The following WWOX variants were observed in gnomAD, a reference collection of about 807,000 sequenced individuals.
WWOX encodes the protein WW domain containing oxidoreductase, also known as WW domain-containing oxidoreductase.
A neutral mutation model predicts 46.2 loss-of-function variants in WWOX; 69 were observed. The observed-to-expected ratio is 1.49, with a 90% CI of 1.23 to 1.82. The LOEUF is 1.82. Among genes scored for constraint, WWOX ranks in the 40% most tolerant of loss-of-function variants. WWOX has a pLI of 0.00. For synonymous variants in WWOX, 359 were observed against 202.6 expected (o/e 1.77, Z -6.56); for missense variants, 919 against 542.6 (o/e 1.69, Z -6.89).
At chr16:78,799,846 A>T (rs936104252) in intron 8 of WWOX, among the ~76,000 whole-genome samples, 9 of 152,210 alleles carry the variant, frequency 5.9e-5, no homozygotes, top group African/African-American at 2.2e-4. Flanking sequence ...TACAAATTTT[A>T]AATGCATATT....
chr16:78,855,514 G>A (rs565057288), intron 8 of WWOX, among the ~76,000 whole-genome samples: 1 of 152,240 alleles, frequency 6.6e-6, no homozygotes, highest in South Asian at 2.1e-4. Flanking sequence ...AATGAAGATC[G>A]ATTCCAATTT....
At chr16:78,851,756 G>A (rs1261227010) in intron 8 of WWOX, among the ~76,000 whole-genome samples, 2 of 152,174 alleles carry the variant, frequency 1.3e-5, no homozygotes, top group South Asian at 2.1e-4. Context: ...TTTGTGCCCA[G>A]TTTATAAACT....
intron 8 of WWOX, among the ~76,000 whole-genome samples, chr16:78,761,124 T>A (rs913010116): frequency 5.3e-5 from 8 of 152,178 alleles, no homozygotes; most frequent in African/African-American, 1.9e-4. Context: ...CAAACCATAT[T>A]ACAGGCTAAT....
chr16:78,237,375 C>A (rs150685828), intron 5 of WWOX: 86 of 152,210 alleles, frequency 5.7e-4, no homozygotes, highest in African/African-American at 2.0e-3. Context: ...TGGCTCATAT[C>A]GTATTTGTTA....
chr16:78,251,437 C>T (rs1047862548), intron 5 of WWOX, among the ~76,000 whole-genome samples: 85 of 152,144 alleles, frequency 5.6e-4, no homozygotes, highest in African/African-American at 1.8e-3. Context: ...GTCAACTGCT[C>T]GTTACACAGC....
chr16:78,239,818 A>G (rs541190534), intron 5 of WWOX, among the ~76,000 whole-genome samples: 4 of 152,230 alleles, frequency 2.6e-5, no homozygotes, highest in African/African-American at 9.6e-5. Flanking sequence ...TATAGATGTG[A>G]GCCACCACAC....
chr16:78,955,071 T>A (rs1037678962), intron 8 of WWOX, among the ~76,000 whole-genome samples: 2 of 152,194 alleles, frequency 1.3e-5, no homozygotes, highest in African/African-American at 4.8e-5. Context: ...GAATGTATTC[T>A]TTCCTGATCA....
chr16:78,832,276 G>A (rs55994905), intron 8 of WWOX, among the ~76,000 whole-genome samples: 34 of 152,142 alleles, frequency 2.2e-4, no homozygotes, highest in African/African-American at 7.7e-4. Context: ...ACAGCTTCAG[G>A]AGCAGCCTCA....
At chr16:78,114,841 C>A in intron 3 of WWOX, 135 bp from the exon 4 acceptor site, 1 of 1,080,700 alleles carries the variant, frequency 9.3e-7, no homozygotes, top group Non-Finnish European at 1.3e-6. Context: ...ATTCAGTGGG[C>A]CCCAGTTCTT....
At chr16:78,289,649 G>A (rs530192753) in intron 5 of WWOX, among the ~76,000 whole-genome samples, 6 of 152,238 alleles carry the variant, frequency 3.9e-5, no homozygotes, top group South Asian at 4.1e-4. Context: ...AAGAATAAGA[G>A]ACCTAAGTTT....
intron 8 of WWOX, among the ~76,000 whole-genome samples, chr16:78,740,843 T>G (rs889579450): frequency 6.6e-6 from 1 of 152,062 alleles, no homozygotes; most frequent in Non-Finnish European, 1.5e-5. Flanking sequence ...CTCTTATAAC[T>G]CCTATGATAA....
intron 8 of WWOX, among the ~76,000 whole-genome samples, chr16:78,523,590 G>T (rs1184546448): frequency 6.6e-6 from 1 of 152,222 alleles, no homozygotes; most frequent in Non-Finnish European, 1.5e-5. Flanking sequence ...GGTGGGGGAA[G>T]AGTTATTCTT....
chr16:78,538,502 TTGTC>T (rs1399001470), intron 8 of WWOX, among the ~76,000 whole-genome samples: 1 of 152,160 alleles, frequency 6.6e-6, no homozygotes, highest in Admixed American at 6.6e-5. Context: ...TTCCGTGCCT[TTGTC>T]TGTAGCCTGC....
At chr16:78,786,487 T>G (rs2050459498) in intron 8 of WWOX, among the ~76,000 whole-genome samples, 1 of 152,236 alleles carries the variant, frequency 6.6e-6, no homozygotes, top group Admixed American at 6.5e-5. Context: ...GAGTACTTAG[T>G]ACTTTTTAGT....
chr16:78,692,249 C>T (rs75190496), intron 8 of WWOX, among the ~76,000 whole-genome samples: 1,947 of 152,296 alleles, frequency 0.013, 19 homozygotes, highest in South Asian at 0.036. Context: ...GTCCATTTCT[C>T]TCAATCTAAT....
At chr16:79,012,957 C>T (rs1011347671) in intron 8 of WWOX, among the ~76,000 whole-genome samples, 2 of 152,110 alleles carry the variant, frequency 1.3e-5, no homozygotes, top group Admixed American at 1.3e-4. Context: ...TTTGGGAGGC[C>T]GAGGCGGGTG....
intron 8 of WWOX, among the ~76,000 whole-genome samples, chr16:78,931,937 C>T (rs1381455741): frequency 2.0e-5 from 3 of 152,196 alleles, no homozygotes; most frequent in African/African-American, 7.2e-5. Flanking sequence ...CCCATGAGAT[C>T]TGATGGTTTT....
At chr16:79,207,386 G>A (rs1025306670) in intron 8 of WWOX, among the ~76,000 whole-genome samples, 1 of 152,224 alleles carries the variant, frequency 6.6e-6, no homozygotes, top group African/African-American at 2.4e-5. Context: ...GTCCTGGGAC[G>A]TTAGTCATGG....
intron 8 of WWOX, among the ~76,000 whole-genome samples, chr16:79,132,078 T>C (rs2049889606): frequency 6.6e-6 from 1 of 151,298 alleles, no homozygotes; most frequent in South Asian, 2.1e-4. Flanking sequence ...GAGATTTGGG[T>C]GGGGACACAG....
Sources: allele counts gnomAD v4.1 joint callset (sites outside exome capture counted in the v4.1 genomes callset), GRCh38; gene constraint gnomAD v4.1.1; transcripts MANE v1.5; gene names NCBI Gene and HGNC (gene_info 2026-07-23, HGNC 2026-07-21).